The following PPM1A variants were observed in gnomAD, a reference collection of about 807,000 sequenced individuals.
PPM1A encodes protein phosphatase 1A.
PPM1A carries 7 observed loss-of-function variants against 35.0 expected under a neutral mutation model. The observed-to-expected ratio is 0.20, with a 90% confidence interval of 0.11 to 0.38. The LOEUF (loss-of-function observed/expected upper bound fraction) is 0.38. PPM1A is among the 10% of genes least tolerant of loss of function. The pLI, the probability that PPM1A is intolerant of heterozygous loss-of-function variation, is 1.00. For synonymous variants in PPM1A, 153 were observed against 167.3 expected (o/e 0.91, Z 0.66); for missense variants, 239 against 467.8 (o/e 0.51, Z 4.51).
chr14:60,255,165 T>TG (rs1882919872), intron 1 of PPM1A, among the ~76,000 whole-genome samples: 1 of 106,514 alleles, frequency 9.4e-6, no homozygotes, highest in African/African-American at 8.5e-5. Flanking sequence ...ATATGTTTTT[T>TG]TTTTTTTTGT....
rs953856274 is a variant in PPM1A, at chr14:60,292,379, T to C, written c.1120-74T>C. The C allele has an allele frequency of 2.0e-5, 22 of 1,117,460 alleles. No homozygotes were observed. The African/African-American group carries it at 2.6e-4, about 13-fold the overall frequency. The allele number at this position is 1,117,460 out of a possible 1,614,324, so 69.2% of individuals were successfully genotyped here. On this transcript the variant is annotated intron_variant, in intron 5 of 5. Transcript: ENST00000395076. The surrounding 1 kb of genome is among the most constrained non-coding windows in gnomAD (Gnocchi z 4.2). ...TTTACAGAACATTATCTTTCTCCAT[T>C]ATCCAGAAAGTATGGTGTATTTTGG...
chr14:60,265,459 A>G (rs947788212), intron 1 of PPM1A, among the ~76,000 whole-genome samples: 10 of 152,230 alleles, frequency 6.6e-5, no homozygotes, highest in Admixed American at 3.9e-4. Flanking sequence ...TTTTAGCTTC[A>G]AAAACTGCTT....
At chr14:60,246,375 T>A (rs182780348), upstream of PPM1A, among the ~76,000 whole-genome samples, 8 of 152,336 alleles carry the variant, frequency 5.3e-5, no homozygotes, top group African/African-American at 1.7e-4. Flanking sequence ...TCCCAATTAC[T>A]AGGCTATCAA....
At chr14:60,280,469 G>T (rs116922343) in intron 1 of PPM1A, among the ~76,000 whole-genome samples, 62 of 152,358 alleles carry the variant, frequency 4.1e-4, no homozygotes, top group Non-Finnish European at 6.8e-4. Context: ...GTAGAGGAAG[G>T]AAGTTTGTCA....
At chr14:60,261,639 C>T (rs1039256102) in intron 1 of PPM1A, among the ~76,000 whole-genome samples, 3 of 152,108 alleles carry the variant, frequency 2.0e-5, no homozygotes, top group Non-Finnish European at 2.9e-5. Context: ...GCACCATCCC[C>T]GTCAGGTCCA....
At position 60,286,548 on chromosome 14, in the gene PPM1A, T is replaced by C. The variant is rs187936312; in HGVS notation, c.952+807T>C. On this transcript the variant is annotated intron_variant, in intron 3 of 5. Coordinates refer to ENST00000395076, the MANE Select transcript of PPM1A (RefSeq NM_021003.5). Reference sequence around the variant, plus strand: ...AAAAACAAGAAAAAAATTTTAAAAATAGCGTTAAAATGCATTTTAGGCTCC... The same window carrying C: ...AAAAACAAGAAAAAAATTTTAAAAACAGCGTTAAAATGCATTTTAGGCTCC... 75 of 985,256 alleles carry C rather than the reference T, an allele frequency of 7.6e-5. No homozygotes were observed. In the East Asian group the frequency reaches 6.2e-3, roughly 82 times the overall value. The allele number at this position is 985,256 out of a possible 1,614,324, so 61.0% of individuals were successfully genotyped here.
chr14:60,283,103 A>G lies in PPM1A; in HGVS notation c.400A>G (p.Ile134Val). 6.2e-7 allele frequency: 1 copy of G among 1,614,220 alleles called. No homozygotes were observed. Among genetic ancestry groups the G allele is most frequent in the Non-Finnish European group, 8.5e-7 (1 of 1,180,040 alleles). ...RSGSTAVGVL[I>V]SPQHTYFINC... ...TGGGTCAACAGCTGTAGGTGTCTTAATTTCTCCCCAACATACTTATTTCAT... is the reference window on the plus strand; with the variant it reads ...TGGGTCAACAGCTGTAGGTGTCTTAGTTTCTCCCCAACATACTTATTTCAT... The change falls in exon 2 of 6, where the codon ATT (isoleucine) becomes GTT (valine). Residue 134 changes from isoleucine (I) to valine (V), a missense_variant. Ile to Val is a conservative substitution (Grantham distance 29). Around this residue, in one of 2 missense-constraint regions of PPM1A, gnomAD observed 175 missense variants for 389.2 expected, o/e 0.45. Coordinates refer to ENST00000395076, the MANE Select transcript of PPM1A (RefSeq NM_021003.5). The surrounding 1 kb of genome is among the most constrained non-coding windows in gnomAD (Gnocchi z 6.3).
chr14:60,250,524 C>A, intron 1 of PPM1A: 2 of 728,088 alleles, frequency 2.7e-6, no homozygotes, highest in Non-Finnish European at 3.4e-6. Context: ...TACAAATCCA[C>A]AAAAGTCATG....
At chr14:60,251,271 AATTAT>A (rs1882384368) in intron 1 of PPM1A, among the ~76,000 whole-genome samples, 1 of 152,254 alleles carries the variant, frequency 6.6e-6, no homozygotes, top group Admixed American at 6.5e-5. Flanking sequence ...TCGGTGAAGT[AATTAT>A]ATTATGGGAA....
intron 1 of PPM1A, among the ~76,000 whole-genome samples, chr14:60,279,450 A>G (rs1254326372): frequency 6.6e-6 from 1 of 152,104 alleles, no homozygotes; most frequent in African/African-American, 2.4e-5. Flanking sequence ...TTTACACACA[A>G]CCCAGCTGAT....
chr14:60,289,899 G>T lies in PPM1A; in HGVS notation c.1046G>T (p.Gly349Val). ...SENIPSLPPG[G>V]ELASKRNVIE... is the part of the protein sequence containing the mutation. ...AACATCCCCAGCCTCCCACCAGGGGGTGAATTGGCAAGCAAGTAAGTTACA... is the reference window on the plus strand; with the variant it reads ...AACATCCCCAGCCTCCCACCAGGGGTTGAATTGGCAAGCAAGTAAGTTACA... The change falls in exon 4 of 6, where the codon GGT (glycine) becomes GTT (valine). Residue 349 changes from glycine (G) to valine (V), a missense_variant. Gly to Val is a moderately radical substitution (Grantham distance 109). This residue lies in a region of PPM1A where 64 missense variants were observed against 78.6 expected (regional missense o/e 0.81). Transcript: ENST00000395076. The surrounding 1 kb of genome is among the most constrained non-coding windows in gnomAD (Gnocchi z 4.1). The T allele has an allele frequency of 6.3e-7, 1 of 1,584,138 alleles. No homozygotes were observed. Among genetic ancestry groups the T allele is most frequent in the South Asian group, 1.2e-5 (1 of 86,170 alleles).
intron 1 of PPM1A, among the ~76,000 whole-genome samples, chr14:60,263,377 A>G (rs944890589): frequency 5.3e-5 from 8 of 152,122 alleles, no homozygotes; most frequent in African/African-American, 1.9e-4. Flanking sequence ...TGAAGTGAAC[A>G]TACTTTTATG....
Position 60,273,164 on chromosome 14 carries a change from G to T in PPM1A, c.-20-9520G>T, listed in dbSNP as rs17097264. On this transcript the variant is annotated intron_variant, in intron 1 of 5. Transcript: ENST00000395076. The surrounding 1 kb of genome is among the most constrained non-coding windows in gnomAD (Gnocchi z 4.3). ...CCTTGTTAATGAGTTATTTGCATCT[G>T]ATTTTGAGTTTATTCAGCAAATATT... Among the ~76,000 whole-genome samples the T allele has an allele frequency of 1.2e-3, 187 of 152,220 alleles. 2 individuals are homozygous for T. In the East Asian group the frequency reaches 0.022, roughly 18 times the overall value.
rs1376149141 is a variant in PPM1A at position 60,294,144 on chromosome 14, A to G, written c.*1662A>G. 1 of 151,948 alleles carries G rather than the reference A, an allele frequency of 6.6e-6. No individual in the cohort carries two copies. The highest frequency in any genetic ancestry group is 6.6e-5 in the Admixed American group (1 of 15,220). 9.4% of individuals were successfully genotyped at this position (151,948 alleles called of 1,614,324 possible). ...CTAACTTGGAAATATACATATTTGT[A>G]TATATAGCCTTAAAATTAATGTAAA... On this transcript the variant is annotated 3_prime_UTR_variant, in exon 6 of 6. Transcript: ENST00000395076.
chr14:60,276,933 TA>T, intron 1 of PPM1A: 1 of 671,146 alleles, frequency 1.5e-6, no homozygotes, highest in Non-Finnish European at 2.0e-6. Context: ...GTTTGGTTTT[TA>T]AAAGGTACAA....
At chr14:60,272,136 T>A (rs1465297022) in intron 1 of PPM1A, among the ~76,000 whole-genome samples, 1 of 152,156 alleles carries the variant, frequency 6.6e-6, no homozygotes, top group Non-Finnish European at 1.5e-5. Context: ...TGGGCAAGTC[T>A]AAGTTCTTTT....
chr14:60,285,225 A>G (rs1429563266), intron 2 of PPM1A, among the ~76,000 whole-genome samples: 2 of 152,240 alleles, frequency 1.3e-5, no homozygotes, highest in African/African-American at 4.8e-5. Context: ...ATTGTAAACA[A>G]TGCCACTAAA....
In PPM1A at chr14:60,249,908, T is replaced by C. The variant is rs1437729804; in HGVS notation, c.-21+231T>C. Among the ~76,000 whole-genome samples, 10 of 150,528 alleles carry C rather than the reference T, an allele frequency of 6.6e-5. No homozygotes were observed. The South Asian group carries it at 2.1e-3, about 31-fold the overall frequency. ...TGGCGGGGAGGCGGGGGCGGGGTGT[T>C]AGTTGCGGTGGCGCGGGGAGGGGGC... On this transcript the variant is annotated intron_variant, in intron 1 of 5. Transcript: ENST00000395076. The surrounding 1 kb of genome is among the most constrained non-coding windows in gnomAD (Gnocchi z 4.5).
chr14:60,274,255 C>T (rs1383186567), intron 1 of PPM1A, among the ~76,000 whole-genome samples: 1 of 152,060 alleles, frequency 6.6e-6, no homozygotes, highest in African/African-American at 2.4e-5. Flanking sequence ...CTTCTGTGAG[C>T]AGTCAATTAG....
Sources: gnomAD v4.1 joint callset for allele counts (sites outside exome capture counted in the v4.1 genomes callset) on GRCh38, gnomAD v4.1.1 for gene constraint, gnomAD v4.1.1 regional missense constraint, Gnocchi (gnomAD v3.1) non-coding constraint, MANE v1.5 for transcripts, NCBI Gene and HGNC (gene_info 2026-07-23, HGNC 2026-07-21) for gene names.